The following CBLN2 variants were observed in gnomAD, a reference collection of about 807,000 sequenced individuals.
The protein encoded by CBLN2 is cerebellin 2 precursor, also known as cerebellin-2.
Under a neutral mutation model 15.0 loss-of-function variants are expected in CBLN2, and 7 were observed. The observed-to-expected ratio is 0.47, with a 90% confidence interval of 0.27 to 0.88. The LOEUF (loss-of-function observed/expected upper bound fraction) is 0.88. Ranked by LOEUF, CBLN2 falls within the 40% of genes least tolerant of loss-of-function variation. The probability of loss-of-function intolerance (pLI) is 0.14; values close to 1 mark genes in which losing one functional copy is unlikely to be tolerated. For synonymous variants in CBLN2, 149 were observed against 135.2 expected, an observed-to-expected ratio of 1.10 and a Z score of -0.71; for missense variants, 242 against 304.5, an observed-to-expected ratio of 0.79 and a Z score of 1.53.
intron 1 of CBLN2, among the ~76,000 whole-genome samples, chr18:72,594,309 A>G (rs1339412016): frequency 6.6e-6 from 1 of 152,202 alleles, no homozygotes; most frequent in East Asian, 1.9e-4. Flanking sequence ...GTGTCAAATC[A>G]TACCTGCATA....
intron 1 of CBLN2, among the ~76,000 whole-genome samples, chr18:72,612,892 T>A (rs1370971941): frequency 6.6e-6 from 1 of 152,232 alleles, no homozygotes; most frequent in Non-Finnish European, 1.5e-5. Context: ...CAGAAGTTTA[T>A]CATTTCACAG....
chr18:72,549,835 G>T (rs192583924), intron 1 of CBLN2, among the ~76,000 whole-genome samples: 3 of 152,122 alleles, frequency 2.0e-5, no homozygotes, highest in Non-Finnish European at 4.4e-5. Context: ...AATTGTCATG[G>T]ATGGAGTTTC....
At chr18:72,567,497 T>C (rs951032798) in intron 1 of CBLN2, among the ~76,000 whole-genome samples, 63 of 152,150 alleles carry the variant, frequency 4.1e-4, no homozygotes, top group Non-Finnish European at 6.8e-4. Flanking sequence ...CTCAGGCATG[T>C]CCATACACAT....
chr18:72,564,343 A>G (rs1482072921), intron 1 of CBLN2, among the ~76,000 whole-genome samples: 2 of 152,146 alleles, frequency 1.3e-5, no homozygotes, highest in Non-Finnish European at 1.5e-5. Context: ...AAATCCAACA[A>G]AGGGATATCA....
At chr18:72,616,546 T>C (rs9319846) in intron 1 of CBLN2, among the ~76,000 whole-genome samples, 32,379 of 152,080 alleles carry the variant, frequency 0.21, 5,416 homozygotes, top group African/African-American at 0.47. Context: ...CCACTGGTAG[T>C]GTGGAAAGGA....
chr18:72,560,779 T>A (rs623939), intron 1 of CBLN2, among the ~76,000 whole-genome samples: 1 of 152,180 alleles, frequency 6.6e-6, no homozygotes, highest in South Asian at 2.1e-4. Flanking sequence ...GAGGCCGAGG[T>A]GGGCGGATCA....
intron 1 of CBLN2, among the ~76,000 whole-genome samples, chr18:72,588,023 TA>T (rs2030467885): frequency 6.6e-6 from 1 of 152,242 alleles, no homozygotes; most frequent in African/African-American, 2.4e-5. Context: ...TGTATTTGAA[TA>T]AGGCTTTAGG....
chr18:72,559,129 C>T (rs1485223946), intron 1 of CBLN2, among the ~76,000 whole-genome samples: 1 of 152,332 alleles, frequency 6.6e-6, no homozygotes, highest in East Asian at 1.9e-4. Flanking sequence ...TGGCATCCCA[C>T]AGCCCACCAG....
chr18:72,567,958 T>C (rs1462941544), intron 1 of CBLN2, among the ~76,000 whole-genome samples: 1 of 152,244 alleles, frequency 6.6e-6, no homozygotes. Flanking sequence ...AATAAAACTA[T>C]TGTTAGGATT....
At chr18:72,620,399 G>T (rs2069692517) in intron 1 of CBLN2, 2 of 152,228 alleles carry the variant, frequency 1.3e-5, no homozygotes, top group Admixed American at 1.3e-4. Context: ...AAGGGGAGCT[G>T]GAAAGGAAAT....
At chr18:72,562,774 A>G (rs1267455560) in intron 1 of CBLN2, among the ~76,000 whole-genome samples, 1 of 152,234 alleles carries the variant, frequency 6.6e-6, no homozygotes, top group Non-Finnish European at 1.5e-5. Context: ...ATGTTATGTA[A>G]AAATGTCTTC....
intron 4 of CBLN2, 105 bp downstream of exon 4, chr18:72,538,548 A>G (rs543950714): frequency 1.3e-6 from 2 of 1,518,092 alleles, no homozygotes; most frequent in African/African-American, 1.4e-5. Context: ...CCCTGGACAG[A>G]CCAGTACCCT....
In CBLN2 at chr18:72,536,821, T is replaced by C. The variant is rs985548959; in HGVS notation, c.*1355A>G. On this transcript the variant is annotated 3_prime_UTR_variant, in exon 5 of 5. Transcript: ENST00000269503. ...TTGCTTTGGGATTAGTGACATTTCC[T>C]TGGCATATGCATTACACACCCATCA... 1 of 152,666 alleles carries C rather than the reference T, an allele frequency of 6.6e-6. No individual in the cohort carries two copies. The highest frequency in any genetic ancestry group is 1.5e-5 in the Non-Finnish European group (1 of 68,044). 9.5% of individuals were successfully genotyped at this position (152,666 alleles called of 1,614,324 possible). A position where few individuals can be genotyped will look rare whatever the true frequency, so the allele number is the denominator to read the frequency against.
intron 1 of CBLN2, among the ~76,000 whole-genome samples, chr18:72,582,994 C>A (rs1398719178): frequency 6.6e-6 from 1 of 152,206 alleles, no homozygotes; most frequent in Non-Finnish European, 1.5e-5. Context: ...CTGAGGTTCA[C>A]TCTGTGAGAT....
intron 1 of CBLN2, among the ~76,000 whole-genome samples, chr18:72,593,541 C>A (rs556509631): frequency 1.4e-4 from 21 of 152,228 alleles, no homozygotes; most frequent in African/African-American, 5.1e-4. Flanking sequence ...GACTACCAGT[C>A]AGTGTTGAAT....
intron 1 of CBLN2, among the ~76,000 whole-genome samples, chr18:72,602,072 T>C (rs1219978600): frequency 2.0e-5 from 3 of 152,144 alleles, no homozygotes; most frequent in African/African-American, 7.2e-5. Flanking sequence ...ACTGGCAGAC[T>C]GCAGACTGAC....
intron 3 of CBLN2, chr18:72,540,424 T>A (rs557104375): frequency 6.6e-6 from 1 of 152,172 alleles, no homozygotes; most frequent in Admixed American, 6.5e-5. Flanking sequence ...CTACTACTTA[T>A]CCTGCCCTAC....
chr18:72,616,876 T>A (rs1335449706), intron 1 of CBLN2, among the ~76,000 whole-genome samples: 2 of 152,212 alleles, frequency 1.3e-5, no homozygotes, highest in African/African-American at 4.8e-5. Context: ...GTGTTTATAT[T>A]TCTAAAATTC....
intron 1 of CBLN2, among the ~76,000 whole-genome samples, chr18:72,572,711 G>A (rs968866026): frequency 1.1e-4 from 16 of 152,028 alleles, no homozygotes; most frequent in African/African-American, 3.1e-4. Context: ...ATGTCATCAC[G>A]TCCAGCTTGC....
Sources: gnomAD v4.1 joint callset for allele counts (sites outside exome capture counted in the v4.1 genomes callset) on GRCh38, gnomAD v4.1.1 for gene constraint, MANE v1.5 for transcripts, NCBI Gene and HGNC (gene_info 2026-07-23, HGNC 2026-07-21) for gene names.